Variants in PIH1D2 observed in about 807,000 individuals in gnomAD.
PIH1D2 encodes the protein PIH1 domain-containing protein 2.
Under a neutral mutation model 31.2 loss-of-function variants are expected in PIH1D2, and 25 were observed. That is an observed-to-expected ratio of 0.80 (90% CI 0.58 to 1.12). PIH1D2 has a LOEUF of 1.12. PIH1D2 is among the 50% of genes most tolerant of loss of function. The pLI, the probability that PIH1D2 is intolerant of heterozygous loss-of-function variation, is 0.00. For synonymous variants in PIH1D2, 116 were observed against 119.9 expected, an observed-to-expected ratio of 0.97 and a Z score of 0.21; for missense variants, 310 against 356.6, an observed-to-expected ratio of 0.87 and a Z score of 1.05.
chr11:112,055,646 A>C, the PIH1D2 span, among the ~76,000 whole-genome samples: 32 of 151,880 alleles, frequency 2.1e-4, no homozygotes, highest in African/African-American at 6.3e-4. Flanking sequence ...TCCTTCTAGG[A>C]TGCTGTTTGG....
At chr11:112,062,296 G>A (rs1864681896), downstream of PIH1D2, 1 of 1,141,414 alleles carries the variant, frequency 8.8e-7, no homozygotes, top group Admixed American at 1.8e-5. Flanking sequence ...GAGTAGATAG[G>A]AAGTATTACC....
chr11:112,070,595 TATCA>T lies in PIH1D2; in HGVS notation c.650_653del (p.Leu217GlnfsTer13). The stretch of plus-strand genomic sequence containing the variant: ...GGATTTCAGTACTGGAAATCTCTTC[TATCA>T]GACACACTGCTTTGCCTGAAACTTG... On this transcript the variant is annotated frameshift_variant, in exon 5 of 6. Transcript: ENST00000280350. LOFTEE classifies it high-confidence loss of function. 6.2e-7 allele frequency: 1 copy of T among 1,614,194 alleles called. No individual in the cohort carries two copies. The highest frequency in any genetic ancestry group is 8.5e-7 in the Non-Finnish European group (1 of 1,180,030).
chr11:112,071,703 GCTGGGATC>G lies in PIH1D2; in HGVS notation c.225_232del (p.Arg75SerfsTer21), dbSNP rs782772406. 8 of 1,613,546 alleles carry G rather than the reference GCTGGGATC, an allele frequency of 5.0e-6. No homozygotes were observed. Among genetic ancestry groups the G allele is most frequent in the Non-Finnish European group, 5.9e-6 (7 of 1,179,442 alleles). ...TACTGGATGAGTGGTTGATTGGGGA[GCTGGGATC>G]CTTGTCCACTGACACAGGTTGATAA... is the stretch of plus-strand genomic sequence containing the variant. On this transcript the variant is annotated frameshift_variant, in exon 3 of 6. Coordinates refer to ENST00000280350, the MANE Select transcript of PIH1D2 (RefSeq NM_138789.4). LOFTEE classifies it high-confidence loss of function.
At chr11:112,057,146 T>C in the PIH1D2 span, among the ~76,000 whole-genome samples, 1 of 152,208 alleles carries the variant, frequency 6.6e-6, no homozygotes. Flanking sequence ...GCAAACTTCA[T>C]TGATAAATTT....
chr11:112,055,944 T>G, the PIH1D2 span, among the ~76,000 whole-genome samples: 1 of 138,930 alleles, frequency 7.2e-6, no homozygotes, highest in Non-Finnish European at 1.5e-5. Flanking sequence ...CTCCGCTCAT[T>G]GCAACCTCCG....
chr11:112,055,847 A>ATTT, the PIH1D2 span, among the ~76,000 whole-genome samples: 2 of 49,668 alleles, frequency 4.0e-5, no homozygotes, highest in African/African-American at 1.4e-4. Context: ...GCATATAGAC[A>ATTT]CTTTTTTTTT....
the PIH1D2 span, among the ~76,000 whole-genome samples, chr11:112,056,578 C>T: frequency 6.6e-6 from 1 of 152,254 alleles, no homozygotes; most frequent in East Asian, 1.9e-4. Context: ...CTTTATCATT[C>T]ACCAGTTAAC....
At chr11:112,056,392 C>T in the PIH1D2 span, among the ~76,000 whole-genome samples, 1,587 of 152,206 alleles carry the variant, frequency 0.01, 30 homozygotes, top group African/African-American at 0.036. Context: ...GTGCTTGAGT[C>T]TATAGATTTG....
rs782330953 is a variant in PIH1D2 at position 112,068,003 on chromosome 11, AT to A, written c.815del (p.Asp272ValfsTer4). On this transcript the variant is annotated frameshift_variant and splice_region_variant, in exon 6 of 6. Coordinates refer to ENST00000280350, the MANE Select transcript of PIH1D2 (RefSeq NM_138789.4). LOFTEE classifies it high-confidence loss of function. ...VSLCDLSVSE[D>X]DLLIEVSEKY... ...TCTCAGATACTTCAATCAATAAATC[AT>A]CCTAAGAATAATAAACCAAGAGATT... 6.4e-7 allele frequency: 1 copy of A among 1,555,984 alleles called. No individual in the cohort carries two copies. Among genetic ancestry groups the A allele is most frequent in the Non-Finnish European group, 8.8e-7 (1 of 1,136,350 alleles).
At chr11:112,072,419 C>T (rs1303348853) in intron 2 of PIH1D2, among the ~76,000 whole-genome samples, 2 of 150,310 alleles carry the variant, frequency 1.3e-5, no homozygotes, top group Non-Finnish European at 3.0e-5. Context: ...GTGGTGATGC[C>T]CACCTGTGAT....
downstream of PIH1D2, chr11:112,062,450 A>C (rs1467522118): frequency 1.2e-6 from 2 of 1,612,646 alleles, no homozygotes; most frequent in Non-Finnish European, 1.7e-6. Flanking sequence ...AGTTGTGATC[A>C]CCGGGTGGTG....
chr11:112,070,761 G>A (rs985007033), intron 4 of PIH1D2, 60 bp from the exon 5 acceptor site: 33 of 1,528,644 alleles, frequency 2.2e-5, no homozygotes, highest in Admixed American at 1.9e-5. Flanking sequence ...AAAATACTAT[G>A]AGCTATAATA....
downstream of PIH1D2, chr11:112,062,431 G>A (rs201582626): frequency 6.2e-7 from 1 of 1,612,618 alleles, no homozygotes; most frequent in African/African-American, 1.3e-5. Flanking sequence ...CATGATGTCT[G>A]TTACACTCAG....
rs781885439 is a variant in PIH1D2 at position 112,070,594 on chromosome 11, CTA to C, written c.653_654del (p.Ile218ArgfsTer7). 6.2e-7 allele frequency: 1 copy of C among 1,614,154 alleles called. No homozygotes were observed. The highest frequency in any genetic ancestry group is 1.1e-5 in the South Asian group (1 of 91,080). Reference sequence around the variant, plus strand: ...TGGATTTCAGTACTGGAAATCTCTTCTATCAGACACACTGCTTTGCCTGAAAC... The same window carrying C: ...TGGATTTCAGTACTGGAAATCTCTTCTCAGACACACTGCTTTGCCTGAAAC... ...DQVSGKAVCL[I>X]EEISSTEIQV... On this transcript the variant is annotated frameshift_variant, in exon 5 of 6. Transcript: ENST00000280350. LOFTEE classifies it high-confidence loss of function.
At chr11:112,060,108 G>C (rs1555183041), downstream of PIH1D2, 1 of 1,541,004 alleles carries the variant, frequency 6.5e-7, no homozygotes, top group South Asian at 1.1e-5. Context: ...TATTTTTAAG[G>C]TTTGCATAAT....
intron 5 of PIH1D2, among the ~76,000 whole-genome samples, chr11:112,068,648 G>A (rs1204280970): frequency 1.3e-5 from 2 of 152,046 alleles, no homozygotes; most frequent in Admixed American, 6.5e-5. Context: ...GCCAGGCTTG[G>A]TGGCACATGC....
chr11:112,067,685 A>AAAATATATATATATATAT, downstream of PIH1D2: 1 of 17,804 alleles, frequency 5.6e-5, no homozygotes, highest in African/African-American at 1.7e-4. Context: ...AAAAAAAAAA[A>AAAATATATATATATATAT]ATATATATAT....
chr11:112,067,886 T>G lies in PIH1D2; in HGVS notation c.933A>C (p.Thr311=), dbSNP rs1555184040. The G allele has an allele frequency of 1.2e-6, 2 of 1,612,234 alleles. 1 individual carries two copies. Among genetic ancestry groups the G allele is most frequent in the South Asian group, 2.2e-5 (2 of 90,932 alleles). ...TGCTCTTCTTTCACACCAAAGGCATTGTGATGATTAGCGTGGATTTTTCTT... is the reference window on the plus strand; with the variant it reads ...TGCTCTTCTTTCACACCAAAGGCATGGTGATGATTAGCGTGGATTTTTCTT... ...FIKEKSTLII[T]MPLV Residue 311 remains threonine, a synonymous_variant, in exon 6 of 6, where the codon ACA becomes ACC. Transcript: ENST00000280350.
At chr11:112,061,006 C>CAA (rs112722744), downstream of PIH1D2, 35,073 of 1,531,360 alleles carry the variant, frequency 0.023, 2,912 homozygotes, top group African/African-American at 0.27. Flanking sequence ...TGTTGACAAA[C>CAA]TATAATTTAT....
Sources: allele counts gnomAD v4.1 joint callset (sites outside exome capture counted in the v4.1 genomes callset), GRCh38; gene constraint gnomAD v4.1.1; transcripts MANE v1.5; gene names NCBI Gene and HGNC (gene_info 2026-07-23, HGNC 2026-07-21).